Variants in SMYD3 observed in about 807,000 individuals in gnomAD.
SMYD3 encodes the protein histone-lysine N-methyltransferase SMYD3.
A neutral mutation model predicts 57.7 loss-of-function variants in SMYD3; 36 were observed. The observed-to-expected ratio is 0.62, with a 90% CI of 0.48 to 0.82. The LOEUF (loss-of-function observed/expected upper bound fraction) is 0.82. Ranked by LOEUF, SMYD3 falls within the 40% of genes least tolerant of loss-of-function variation. SMYD3 has a pLI of 0.00. For synonymous variants in SMYD3, 211 were observed against 195.0 expected, an observed-to-expected ratio of 1.08 and a Z score of -0.68; for missense variants, 515 against 538.8, an observed-to-expected ratio of 0.96 and a Z score of 0.44.
At chr1:245,922,557 G>C (rs2056048644) in intron 7 of SMYD3, among the ~76,000 whole-genome samples, 1 of 151,868 alleles carries the variant, frequency 6.6e-6, no homozygotes, top group South Asian at 2.1e-4. Flanking sequence ...CTATAGTTTT[G>C]ATAGATTCTC....
intron 10 of SMYD3, among the ~76,000 whole-genome samples, chr1:245,843,713 A>C (rs977589646): frequency 8.5e-5 from 13 of 152,188 alleles, no homozygotes; most frequent in South Asian, 2.1e-4. Context: ...AGTCGGAGGA[A>C]GGAAAGGGTA....
chr1:245,972,421 C>T (rs768326869), intron 5 of SMYD3, among the ~76,000 whole-genome samples: 18 of 152,154 alleles, frequency 1.2e-4, no homozygotes, highest in Non-Finnish European at 1.9e-4. Context: ...TTAGAATCTG[C>T]ACCTCCCCCT....
At chr1:246,159,854 G>A (rs895301298) in intron 5 of SMYD3, among the ~76,000 whole-genome samples, 2 of 152,028 alleles carry the variant, frequency 1.3e-5, no homozygotes, top group African/African-American at 4.8e-5. Context: ...CCACCTCCCA[G>A]ATGTGGTCTT....
At chr1:245,949,051 C>T (rs192568710) in intron 5 of SMYD3, among the ~76,000 whole-genome samples, 141 of 152,330 alleles carry the variant, frequency 9.3e-4, no homozygotes, top group African/African-American at 3.0e-3. Context: ...GCCTAAGGAC[C>T]GGACTGCCCA....
chr1:245,832,629 T>A (rs1255807789), intron 10 of SMYD3, among the ~76,000 whole-genome samples: 1 of 152,152 alleles, frequency 6.6e-6, no homozygotes, highest in Non-Finnish European at 1.5e-5. Context: ...AGTTTGCATC[T>A]AATCACTCTT....
chr1:246,423,730 A>G (rs1253596133), intron 1 of SMYD3, among the ~76,000 whole-genome samples: 1 of 152,190 alleles, frequency 6.6e-6, no homozygotes, highest in Non-Finnish European at 1.5e-5. Context: ...CCCAAAGACT[A>G]GACAATAAAT....
At chr1:246,214,076 T>C (rs938811305) in intron 5 of SMYD3, among the ~76,000 whole-genome samples, 1 of 152,160 alleles carries the variant, frequency 6.6e-6, no homozygotes, top group Non-Finnish European at 1.5e-5. Context: ...AGCCAGACTG[T>C]GGTTCTTAAT....
intron 1 of SMYD3, among the ~76,000 whole-genome samples, chr1:246,503,914 A>G (rs1311742223): frequency 6.7e-6 from 1 of 149,356 alleles, no homozygotes; most frequent in East Asian, 2.0e-4. Flanking sequence ...AGATCACACC[A>G]TTGCACTCCA....
intron 5 of SMYD3, chr1:246,326,736 C>G: frequency 3.6e-6 from 1 of 279,674 alleles, no homozygotes; most frequent in Non-Finnish European, 6.6e-6. Context: ...TACACTCAAG[C>G]CTGGGTGACA....
intron 5 of SMYD3, among the ~76,000 whole-genome samples, chr1:246,282,342 C>CA (rs1478003812): frequency 5.0e-5 from 4 of 79,974 alleles, no homozygotes; most frequent in East Asian, 6.9e-4. Context: ...AAAAAAAAAG[C>CA]AAAAAAATTA....
chr1:245,999,172 C>T (rs973482446), intron 5 of SMYD3, among the ~76,000 whole-genome samples: 1 of 151,476 alleles, frequency 6.6e-6, no homozygotes, highest in Non-Finnish European at 1.5e-5. Context: ...CAAAAAAAAC[C>T]CACAAAAACA....
chr1:246,429,199 G>A (rs2103007277), intron 1 of SMYD3, among the ~76,000 whole-genome samples: 1 of 151,884 alleles, frequency 6.6e-6, no homozygotes, highest in Admixed American at 6.5e-5. Flanking sequence ...GTAATGAGCT[G>A]GATTGGAAAG....
chr1:245,876,051 AATTCACTC>A (rs1468632156), intron 8 of SMYD3, among the ~76,000 whole-genome samples: 1 of 152,166 alleles, frequency 6.6e-6, no homozygotes, highest in Non-Finnish European at 1.5e-5. Flanking sequence ...CAGAGGCTTT[AATTCACTC>A]CAGAGGGCTG....
chr1:246,130,872 A>G (rs1454150632), intron 5 of SMYD3, among the ~76,000 whole-genome samples: 1 of 152,116 alleles, frequency 6.6e-6, no homozygotes, highest in African/African-American at 2.4e-5. Flanking sequence ...CTACTTGGAA[A>G]CTTTAAACAG....
At chr1:246,228,812 A>G (rs1410431847) in intron 5 of SMYD3, among the ~76,000 whole-genome samples, 1 of 143,918 alleles carries the variant, frequency 6.9e-6, no homozygotes, top group Non-Finnish European at 1.5e-5. Flanking sequence ...TTTCTAAAAG[A>G]AGCCTTCTTT....
chr1:246,174,197 T>A (rs1336365609), intron 5 of SMYD3, among the ~76,000 whole-genome samples: 2 of 152,116 alleles, frequency 1.3e-5, no homozygotes, highest in African/African-American at 4.8e-5. Context: ...ACACAGTCAT[T>A]TCTTATCACT....
At chr1:246,485,227 G>T (rs2068168027) in intron 1 of SMYD3, among the ~76,000 whole-genome samples, 1 of 151,710 alleles carries the variant, frequency 6.6e-6, no homozygotes, top group Non-Finnish European at 1.5e-5. Context: ...TATTGCACTA[G>T]TTACACCTGA....
intron 10 of SMYD3, among the ~76,000 whole-genome samples, chr1:245,823,107 G>GA (rs1232530867): frequency 2.0e-5 from 3 of 152,196 alleles, no homozygotes; most frequent in Non-Finnish European, 4.4e-5. Flanking sequence ...TCTTTGGTGT[G>GA]AAATATAGTA....
chr1:245,987,071 C>T (rs569098251), intron 5 of SMYD3, among the ~76,000 whole-genome samples: 8 of 152,134 alleles, frequency 5.3e-5, no homozygotes, highest in South Asian at 2.1e-4. Flanking sequence ...CGAGATAAAA[C>T]GGATCACAGC....
Sources: allele counts gnomAD v4.1 joint callset (sites outside exome capture counted in the v4.1 genomes callset), GRCh38; gene constraint gnomAD v4.1.1; transcripts MANE v1.5; gene names NCBI Gene and HGNC (gene_info 2026-07-23, HGNC 2026-07-21).